Variants in KIAA0825 observed in about 807,000 individuals in gnomAD.
KIAA0825 encodes uncharacterized protein KIAA0825.
Under a neutral mutation model 147.6 loss-of-function variants are expected in KIAA0825, and 119 were observed. The ratio of observed to expected loss-of-function variants is 0.81; its 90% CI spans 0.69 to 0.94. The LOEUF (loss-of-function observed/expected upper bound fraction) is 0.94, where lower values mean the gene tolerates loss of function less well. Ranked by LOEUF, KIAA0825 falls within the 40% of genes least tolerant of loss-of-function variation. The pLI, the probability that KIAA0825 is intolerant of heterozygous loss-of-function variation, is 0.00. For missense variants in KIAA0825, 1,381 were observed against 1,472.7 expected, an observed-to-expected ratio of 0.94 and a Z score of 1.02; for synonymous variants, 470 against 518.1, an observed-to-expected ratio of 0.91 and a Z score of 1.26.
chr5:94,406,013 G>A (rs544314797), intron 15 of KIAA0825, among the ~76,000 whole-genome samples: 74 of 151,950 alleles, frequency 4.9e-4, no homozygotes, highest in African/African-American at 1.6e-3. Flanking sequence ...TGCAACCTCC[G>A]CGTCCCAGGT....
intron 20 of KIAA0825, among the ~76,000 whole-genome samples, chr5:94,321,838 G>C (rs1214181683): frequency 6.6e-6 from 1 of 151,890 alleles, no homozygotes; most frequent in Non-Finnish European, 1.5e-5. Flanking sequence ...ATTTTAATTA[G>C]TGATACTGAA....
chr5:94,346,702 C>T (rs574523711), intron 20 of KIAA0825, among the ~76,000 whole-genome samples: 2 of 152,122 alleles, frequency 1.3e-5, no homozygotes, highest in Non-Finnish European at 2.9e-5. Context: ...GCCATTCCTG[C>T]CTGGCACCAC....
Position 94,391,668 on chromosome 5 carries a change from G to T in KIAA0825, c.3323C>A (p.Thr1108Lys). 6.5e-7 allele frequency: 1 copy of T among 1,548,340 alleles called. No homozygotes were observed. The change falls in exon 18 of 21, where the codon ACG (threonine) becomes AAG (lysine). Residue 1108 changes from threonine (T) to lysine (K), a missense_variant. Transcript: ENST00000682413. Reference sequence around the variant, plus strand: ...AGCAACATCTCCTTCTTGTAAGGCCGTGCTTTTCTCTATTGTCATAAATGC... The same window carrying T: ...AGCAACATCTCCTTCTTGTAAGGCCTTGCTTTTCTCTATTGTCATAAATGC... ...ECAFMTIEKS[T>K]ALQEGDVALE...
intron 15 of KIAA0825, among the ~76,000 whole-genome samples, chr5:94,408,943 T>C (rs1752424114): frequency 6.6e-6 from 1 of 152,228 alleles, no homozygotes; most frequent in Non-Finnish European, 1.5e-5. Flanking sequence ...AAATATCATA[T>C]AACATGTTCA....
chr5:94,471,102 C>T (rs1291015515), intron 9 of KIAA0825, among the ~76,000 whole-genome samples: 2 of 152,130 alleles, frequency 1.3e-5, no homozygotes, highest in African/African-American at 4.8e-5. Flanking sequence ...CTCCACGAGA[C>T]AACAAGTTTA....
At chr5:94,295,325 C>T (rs1371565703) in intron 20 of KIAA0825, among the ~76,000 whole-genome samples, 1 of 151,854 alleles carries the variant, frequency 6.6e-6, no homozygotes, top group Non-Finnish European at 1.5e-5. Flanking sequence ...TTCCTCCAAC[C>T]TTTTTTCAAG....
chr5:94,529,237 T>C (rs1317810135), intron 3 of KIAA0825, among the ~76,000 whole-genome samples: 1 of 129,970 alleles, frequency 7.7e-6, no homozygotes, highest in Non-Finnish European at 1.6e-5. Context: ...CATATATATG[T>C]ATATATACAT....
chr5:94,533,657 G>A (rs2151312882), intron 3 of KIAA0825, among the ~76,000 whole-genome samples: 1 of 152,300 alleles, frequency 6.6e-6, no homozygotes, highest in South Asian at 2.1e-4. Flanking sequence ...CAGTTCATTA[G>A]TGCTATATGC....
intron 20 of KIAA0825, among the ~76,000 whole-genome samples, chr5:94,164,360 A>T (rs548573208): frequency 6.6e-6 from 1 of 152,158 alleles, no homozygotes; most frequent in East Asian, 1.9e-4. Context: ...AGACACATAG[A>T]CTAATGGAAC....
intron 20 of KIAA0825, among the ~76,000 whole-genome samples, chr5:94,200,242 G>A (rs772289473): frequency 3.9e-5 from 6 of 152,148 alleles, no homozygotes; most frequent in South Asian, 2.1e-4. Flanking sequence ...CTGGAGATCC[G>A]TGATAAGAGT....
At chr5:94,169,647 AG>A (rs1768419322) in intron 20 of KIAA0825, among the ~76,000 whole-genome samples, 1 of 151,934 alleles carries the variant, frequency 6.6e-6, no homozygotes, top group Admixed American at 6.6e-5. Context: ...CTCTTCATCG[AG>A]TCACTGCCTA....
intron 20 of KIAA0825, among the ~76,000 whole-genome samples, chr5:94,256,121 G>C (rs1465658098): frequency 6.6e-6 from 1 of 152,048 alleles, no homozygotes; most frequent in Non-Finnish European, 1.5e-5. Flanking sequence ...AGGACCATTG[G>C]GGTTGCTCTG....
intron 20 of KIAA0825, among the ~76,000 whole-genome samples, chr5:94,316,346 T>C (rs1779659585): frequency 6.6e-6 from 1 of 151,630 alleles, no homozygotes; most frequent in African/African-American, 2.4e-5. Flanking sequence ...GAAATATTAC[T>C]TTTTTCCTCA....
intron 1 of KIAA0825, among the ~76,000 whole-genome samples, chr5:94,603,137 C>G (rs1328757532): frequency 6.6e-6 from 1 of 151,800 alleles, no homozygotes; most frequent in Non-Finnish European, 1.5e-5. Context: ...TCGGGTATGT[C>G]CTTATAGCAG....
intron 5 of KIAA0825, among the ~76,000 whole-genome samples, chr5:94,514,550 A>T (rs1013954358): frequency 6.6e-6 from 1 of 152,234 alleles, no homozygotes; most frequent in Non-Finnish European, 1.5e-5. Context: ...AGCAAGACAC[A>T]GTAAGTCACT....
intron 20 of KIAA0825, among the ~76,000 whole-genome samples, chr5:94,328,641 G>A (rs773527303): frequency 1.8e-4 from 28 of 151,484 alleles, no homozygotes; most frequent in Admixed American, 1.1e-3. Flanking sequence ...ACAATAGATC[G>A]ATAATAAAAT....
chr5:94,169,998 A>C (rs1014113003), intron 20 of KIAA0825, among the ~76,000 whole-genome samples: 1 of 152,196 alleles, frequency 6.6e-6, no homozygotes, highest in Admixed American at 6.5e-5. Flanking sequence ...CCATAAGGGT[A>C]CATCTCCCAC....
chr5:94,274,111 T>G (rs1430678523), intron 20 of KIAA0825, among the ~76,000 whole-genome samples: 1 of 152,122 alleles, frequency 6.6e-6, no homozygotes, highest in East Asian at 1.9e-4. Flanking sequence ...TTATGAGGAC[T>G]CAGAATCTCT....
chr5:94,264,341 T>C (rs1487317308), intron 20 of KIAA0825, among the ~76,000 whole-genome samples: 1 of 152,184 alleles, frequency 6.6e-6, no homozygotes, highest in Non-Finnish European at 1.5e-5. Flanking sequence ...AGTTCTTCGA[T>C]TCCTTGAGTG....
Sources: gnomAD v4.1 joint callset for allele counts (sites outside exome capture counted in the v4.1 genomes callset) on GRCh38, gnomAD v4.1.1 for gene constraint, MANE v1.5 for transcripts, NCBI Gene and HGNC (gene_info 2026-07-23, HGNC 2026-07-21) for gene names.